The following RUSC2 variants were observed in gnomAD, a reference collection of about 807,000 sequenced individuals.
RUSC2 encodes the protein RUN and SH3 domain containing 2.
RUSC2 carries 34 observed loss-of-function variants against 122.2 expected under a neutral mutation model. The ratio of observed to expected loss-of-function variants is 0.28; its 90% confidence interval spans 0.21 to 0.37. RUSC2 has a LOEUF of 0.37. Ranked by LOEUF, RUSC2 falls within the 10% of genes least tolerant of loss-of-function variation. The probability of loss-of-function intolerance (pLI) is 1.00; values close to 1 mark genes in which losing one functional copy is unlikely to be tolerated. For missense variants in RUSC2, 1,747 were observed against 1,952.4 expected, an observed-to-expected ratio of 0.89 and a Z score of 1.98; for synonymous variants, 784 against 790.0, an observed-to-expected ratio of 0.99 and a Z score of 0.13.
At chr9:35,500,882 A>C (rs1230756941) in intron 1 of RUSC2, among the ~76,000 whole-genome samples, 23 of 152,198 alleles carry the variant, frequency 1.5e-4, no homozygotes, top group Non-Finnish European at 2.9e-5. Context: ...GTATTAGTTT[A>C]TTCATCCTTA....
rs1172974237 is a variant in RUSC2, at chr9:35,548,565, G to T, written c.2014+30G>T. On this transcript the variant is annotated intron_variant, in intron 2 of 11. Coordinates refer to ENST00000361226, the MANE Select transcript of RUSC2 (RefSeq NM_014806.5). The surrounding 1 kb of genome is among the most constrained non-coding windows in gnomAD (Gnocchi z 4.5). ...GGAGCCTAAGGGTTAGCAAATATGTGGCTATTCACCAGCAGGATATGCATG... is the reference window on the plus strand; with the variant it reads ...GGAGCCTAAGGGTTAGCAAATATGTTGCTATTCACCAGCAGGATATGCATG... 4 of 1,565,750 alleles carry T rather than the reference G, an allele frequency of 2.6e-6. No homozygotes were observed. The highest frequency in any genetic ancestry group is 3.5e-6 in the Non-Finnish European group (4 of 1,159,288).
intron 2 of RUSC2, 84 bp from the exon 3 acceptor site, chr9:35,554,976 C>G (rs1315966974): frequency 2.0e-6 from 3 of 1,523,336 alleles, no homozygotes; most frequent in Admixed American, 3.5e-5. Context: ...GCCCCTCTCC[C>G]CTCTCCCATC....
chr9:35,503,352 A>G (rs1229153520), intron 1 of RUSC2, among the ~76,000 whole-genome samples: 1 of 152,224 alleles, frequency 6.6e-6, no homozygotes, highest in Non-Finnish European at 1.5e-5. Flanking sequence ...GAGTGAGAAC[A>G]TAAGATATTT....
At chr9:35,559,079 C>A in intron 8 of RUSC2, 147 bp from the exon 9 acceptor site, 1 of 708,926 alleles carries the variant, frequency 1.4e-6, no homozygotes, top group South Asian at 1.6e-5. Flanking sequence ...TCCACACATC[C>A]CCACTGACTT....
chr9:35,518,410 T>G (rs532816997), intron 1 of RUSC2, among the ~76,000 whole-genome samples: 1 of 152,246 alleles, frequency 6.6e-6, no homozygotes, highest in South Asian at 2.1e-4. Flanking sequence ...GGCTCCAGAG[T>G]AAGCTAGTCT....
intron 8 of RUSC2, 68 bp from the exon 9 acceptor site, chr9:35,559,158 C>T: frequency 1.6e-6 from 2 of 1,287,736 alleles, no homozygotes; most frequent in Non-Finnish European, 2.3e-6. Context: ...TGCCTGACCC[C>T]CTGGATCTGT....
At chr9:35,556,208 C>T in intron 4 of RUSC2, 71 bp downstream of exon 4, 1 of 1,598,218 alleles carries the variant, frequency 6.3e-7, no homozygotes, top group Non-Finnish European at 8.5e-7. Context: ...GAGAAGGGGT[C>T]AGTCCCAAAG....
At position 35,555,617 on chromosome 9, in the gene RUSC2, G is replaced by T; in HGVS notation, c.2572G>T (p.Gly858Cys). 3 of 1,612,894 alleles carry T rather than the reference G, an allele frequency of 1.9e-6. No homozygotes were observed. Among genetic ancestry groups the T allele is most frequent in the Non-Finnish European group, 2.5e-6 (3 of 1,180,004 alleles). Residue 858 changes from glycine to cysteine, a missense_variant, in exon 3 of 12, where the codon GGC (glycine) becomes TGC (cysteine). Coordinates refer to ENST00000361226, the MANE Select transcript of RUSC2 (RefSeq NM_014806.5). The surrounding 1 kb of genome is among the most constrained non-coding windows in gnomAD (Gnocchi z 4.6). ...LHGTGSLPPL[G>C]SWRSGLSRAE... is the part of the protein sequence containing the mutation. The stretch of plus-strand genomic sequence containing the variant: ...TGGAACAGGAAGCTTGCCGCCTCTG[G>T]GCTCCTGGCGATCTGGCCTCAGCCG...
chr9:35,529,503 A>G (rs1384449614), intron 1 of RUSC2, among the ~76,000 whole-genome samples: 2 of 149,854 alleles, frequency 1.3e-5, no homozygotes, highest in African/African-American at 4.9e-5. Flanking sequence ...TTACTATGCA[A>G]AGCACATAAA....
intron 1 of RUSC2, among the ~76,000 whole-genome samples, chr9:35,499,386 T>A (rs1820780807): frequency 6.6e-6 from 1 of 152,252 alleles, no homozygotes; most frequent in Non-Finnish European, 1.5e-5. Context: ...CTTAAAGTTT[T>A]TAAAAAATTA....
At chr9:35,522,651 CTTGA>C (rs1045315109) in intron 1 of RUSC2, among the ~76,000 whole-genome samples, 24 of 152,274 alleles carry the variant, frequency 1.6e-4, no homozygotes, top group African/African-American at 4.8e-4. Flanking sequence ...TGATTGCTTG[CTTGA>C]TTAATTGGCT....
At chr9:35,554,407 A>G (rs565881180) in intron 2 of RUSC2, among the ~76,000 whole-genome samples, 9 of 152,372 alleles carry the variant, frequency 5.9e-5, no homozygotes, top group Admixed American at 3.9e-4. Context: ...GGTAGGCTGC[A>G]AGTAAAGAAA....
intron 1 of RUSC2, among the ~76,000 whole-genome samples, chr9:35,535,200 C>T (rs1402138924): frequency 3.3e-5 from 5 of 152,000 alleles, no homozygotes; most frequent in African/African-American, 1.2e-4. Flanking sequence ...ACTGAAACCT[C>T]CACCTCCTGA....
intron 1 of RUSC2, among the ~76,000 whole-genome samples, chr9:35,513,417 A>G (rs2132507967): frequency 6.6e-6 from 1 of 151,766 alleles, no homozygotes; most frequent in Admixed American, 6.6e-5. Context: ...TAATTTTCAT[A>G]TTTTTAGTAG....
At position 35,531,722 on chromosome 9, in the gene RUSC2, T is replaced by C. The variant is rs116038398; in HGVS notation, c.-92-14708T>C. 8.5e-3 allele frequency among the ~76,000 whole-genome samples: 1,300 copies of C among 152,222 alleles called. 17 individuals carry two copies. Among genetic ancestry groups the C allele is most frequent in the African/African-American group, 0.029 (1,199 of 41,540 alleles). On this transcript the variant is annotated intron_variant, in intron 1 of 11. Coordinates refer to ENST00000361226, the MANE Select transcript of RUSC2 (RefSeq NM_014806.5). ...AGTGTTTAGCATAGTAGCGGAAACATAGTAAAAACAGGAAATTGTTGGGCT... is the reference window on the plus strand; with the variant it reads ...AGTGTTTAGCATAGTAGCGGAAACACAGTAAAAACAGGAAATTGTTGGGCT...
At chr9:35,522,100 A>G (rs2132518391) in intron 1 of RUSC2, among the ~76,000 whole-genome samples, 1 of 152,350 alleles carries the variant, frequency 6.6e-6, no homozygotes, top group Middle Eastern at 3.4e-3. Flanking sequence ...CTTGTCCTAT[A>G]GGAAACTCAG....
intron 1 of RUSC2, among the ~76,000 whole-genome samples, chr9:35,532,615 A>G (rs1821442140): frequency 1.3e-5 from 2 of 151,182 alleles, no homozygotes; most frequent in Non-Finnish European, 3.0e-5. Flanking sequence ...GTGTGGTGGC[A>G]TGCACCTGTA....
At chr9:35,524,232 C>T (rs748210337) in intron 1 of RUSC2, among the ~76,000 whole-genome samples, 9 of 150,134 alleles carry the variant, frequency 6.0e-5, no homozygotes, top group East Asian at 2.0e-4. Flanking sequence ...CTGTGGGAGA[C>T]GGAGGTTGCA....
At position 35,558,520 on chromosome 9, in the gene RUSC2, C is replaced by T. The variant is rs774315318; in HGVS notation, c.3294C>T (p.Leu1098=). The change falls in exon 8 of 12, where the codon CTC becomes CTT. Residue 1098 remains leucine (L), a synonymous_variant. Transcript: ENST00000361226. This position sits in a 1 kb window ranked among gnomAD's most constrained non-coding sequence, Gnocchi z 4.3. ...LYNKVSQFPE[L]TSHTMRFNAF... is the part of the protein sequence containing the mutation. ...ACAAAGTCAGCCAATTCCCAGAGCT[C>T]ACCAGTCATACCATGCGCTTCAACG... The T allele has an allele frequency of 3.1e-6, 5 of 1,614,194 alleles. No homozygotes were observed. Among genetic ancestry groups the T allele is most frequent in the East Asian group, 2.2e-5 (1 of 44,886 alleles).
Sources: gnomAD v4.1 joint callset for allele counts (sites outside exome capture counted in the v4.1 genomes callset) on GRCh38, gnomAD v4.1.1 for gene constraint, Gnocchi (gnomAD v3.1) non-coding constraint, MANE v1.5 for transcripts, NCBI Gene and HGNC (gene_info 2026-07-23, HGNC 2026-07-21) for gene names.